Variants in PTPRK observed in about 807,000 individuals in gnomAD.
The protein encoded by PTPRK is receptor-type tyrosine-protein phosphatase kappa.
In PTPRK, 75 loss-of-function variants were observed where a neutral mutation model predicts 178.0. The observed-to-expected ratio is 0.42, with a 90% CI of 0.35 to 0.51. The LOEUF (loss-of-function observed/expected upper bound fraction) is 0.51. PTPRK is among the 20% of genes least tolerant of loss of function. PTPRK has a pLI of 0.02. For missense variants in PTPRK, 1,441 were observed against 1,797.8 expected, an observed-to-expected ratio of 0.80 and a Z score of 3.59; for synonymous variants, 637 against 620.6, an observed-to-expected ratio of 1.03 and a Z score of -0.39.
At chr6:128,160,939 T>C (rs539762088) in intron 7 of PTPRK, among the ~76,000 whole-genome samples, 127 of 151,734 alleles carry the variant, frequency 8.4e-4, no homozygotes, top group Admixed American at 1.5e-3. Context: ...CTGTAGAACC[T>C]ATATTTGTAT....
intron 2 of PTPRK, among the ~76,000 whole-genome samples, chr6:128,387,630 C>T (rs942593539): frequency 6.6e-6 from 1 of 152,104 alleles, no homozygotes; most frequent in African/African-American, 2.4e-5. Flanking sequence ...GTGTATAACA[C>T]TTGACTCTTT....
chr6:128,304,938 G>A (rs952708338), intron 3 of PTPRK, among the ~76,000 whole-genome samples: 4 of 152,210 alleles, frequency 2.6e-5, no homozygotes, highest in African/African-American at 7.2e-5. Flanking sequence ...ATATACCACC[G>A]TGCTGCTCAA....
At chr6:128,340,686 G>T (rs1022798181) in intron 2 of PTPRK, 1 of 379,578 alleles carries the variant, frequency 2.6e-6, no homozygotes. Context: ...AACATCCTTT[G>T]TTATTTAATA....
intron 2 of PTPRK, among the ~76,000 whole-genome samples, chr6:128,336,727 C>T (rs1830981442): frequency 6.6e-6 from 1 of 152,190 alleles, no homozygotes; most frequent in Non-Finnish European, 1.5e-5. Context: ...AGAACTGTTT[C>T]TGTAACTAAA....
intron 3 of PTPRK, among the ~76,000 whole-genome samples, chr6:128,280,574 G>C (rs1445733602): frequency 1.3e-5 from 2 of 152,062 alleles, no homozygotes; most frequent in Admixed American, 1.3e-4. Context: ...GGGAAATTAA[G>C]TTTATGGAAA....
At chr6:128,225,480 C>T (rs933930517) in intron 5 of PTPRK, among the ~76,000 whole-genome samples, 12 of 152,134 alleles carry the variant, frequency 7.9e-5, no homozygotes, top group Non-Finnish European at 1.6e-4. Flanking sequence ...GAGTTCCTTA[C>T]TAGAGCTTGT....
intron 10 of PTPRK, among the ~76,000 whole-genome samples, chr6:128,080,382 G>A (rs1784606563): frequency 6.6e-6 from 1 of 151,942 alleles, no homozygotes; most frequent in South Asian, 2.1e-4. Flanking sequence ...ATTTAAGAAG[G>A]AAATATCTGT....
chr6:128,036,914 T>A (rs928243000), intron 13 of PTPRK, among the ~76,000 whole-genome samples: 32 of 152,094 alleles, frequency 2.1e-4, no homozygotes, highest in African/African-American at 7.7e-4. Context: ...GTATCTTTAG[T>A]ACAGATAGGG....
rs574816524 is a variant in PTPRK, at chr6:128,412,429, A to G, written c.101-14741T>C. On this transcript the variant is annotated intron_variant, in intron 1 of 29. Coordinates refer to ENST00000368226, the MANE Select transcript of PTPRK (RefSeq NM_002844.4). ...GCTTGAGTAATTTGTTCAAGGTCTC[A>G]TTGCTAGTAAGGCACCAAGCCATAG... Among the ~76,000 whole-genome samples, 8 of 152,344 alleles carry G rather than the reference A, an allele frequency of 5.3e-5. No individual in the cohort carries two copies. In the South Asian group the frequency reaches 1.4e-3, roughly 28 times the overall value.
intron 1 of PTPRK, among the ~76,000 whole-genome samples, chr6:128,425,524 AGT>A (rs1286396034): frequency 6.6e-6 from 1 of 152,142 alleles, no homozygotes; most frequent in Non-Finnish European, 1.5e-5. Flanking sequence ...TCCATTCCTG[AGT>A]TACTTCACTT....
At chr6:128,307,306 T>A (rs553114843) in intron 3 of PTPRK, among the ~76,000 whole-genome samples, 6 of 151,116 alleles carry the variant, frequency 4.0e-5, no homozygotes, top group Admixed American at 1.3e-4. Context: ...ATCATAAATA[T>A]CCTACTTTAT....
chr6:128,269,361 T>C (rs1819434280), intron 3 of PTPRK, among the ~76,000 whole-genome samples: 1 of 151,624 alleles, frequency 6.6e-6, no homozygotes, highest in South Asian at 2.1e-4. Context: ...AGCCAGAGAC[T>C]AGATAAAATA....
At chr6:128,131,118 T>A (rs2114459084) in intron 7 of PTPRK, among the ~76,000 whole-genome samples, 1 of 152,188 alleles carries the variant, frequency 6.6e-6, no homozygotes, top group Non-Finnish European at 1.5e-5. Context: ...AAGAGAAAAA[T>A]CAATTCCCAA....
At position 128,304,219 on chromosome 6, in the gene PTPRK, T is replaced by C. The variant is rs554559488; in HGVS notation, c.495+17820A>G. Among the ~76,000 whole-genome samples the C allele has an allele frequency of 3.6e-4, 55 of 152,276 alleles. 1 individual carries two copies. The highest frequency in any genetic ancestry group is 1.2e-3 in the African/African-American group (51 of 41,554). ...AGTATACTAGTTAGAAGGAGAAACA[T>C]AGCTTCTTTATGAGAGAAAGTATTT... is the stretch of plus-strand genomic sequence containing the variant. On this transcript the variant is annotated intron_variant, in intron 3 of 29. Coordinates refer to ENST00000368226, the MANE Select transcript of PTPRK (RefSeq NM_002844.4).
intron 7 of PTPRK, among the ~76,000 whole-genome samples, chr6:128,099,932 C>T (rs1455191831): frequency 6.6e-6 from 1 of 151,948 alleles, no homozygotes. Flanking sequence ...AATCCCTGTA[C>T]ATTTTTCAGA....
intron 1 of PTPRK, among the ~76,000 whole-genome samples, chr6:128,462,333 T>C (rs537858493): frequency 6.6e-6 from 1 of 152,248 alleles, no homozygotes; most frequent in East Asian, 1.9e-4. Context: ...AAAAATCACA[T>C]GTTGTTTATT....
At chr6:128,140,491 T>A (rs1198871720) in intron 7 of PTPRK, among the ~76,000 whole-genome samples, 1 of 151,972 alleles carries the variant, frequency 6.6e-6, no homozygotes, top group East Asian at 1.9e-4. Flanking sequence ...TGTTATAGTG[T>A]CTTTAGTTCC....
At chr6:127,996,539 T>A (rs1035517902) in intron 17 of PTPRK, among the ~76,000 whole-genome samples, 1 of 152,170 alleles carries the variant, frequency 6.6e-6, no homozygotes, top group Non-Finnish European at 1.5e-5. Context: ...TAATGCAGTC[T>A]CTGCTCGCTG....
intron 1 of PTPRK, among the ~76,000 whole-genome samples, chr6:128,439,358 G>C (rs770594910): frequency 2.0e-5 from 3 of 152,118 alleles, no homozygotes; most frequent in African/African-American, 7.2e-5. Context: ...GTCAAGAACA[G>C]AGTCTGGCCA....
Sources: allele counts gnomAD v4.1 joint callset (sites outside exome capture counted in the v4.1 genomes callset), GRCh38; gene constraint gnomAD v4.1.1; transcripts MANE v1.5; gene names NCBI Gene and HGNC (gene_info 2026-07-23, HGNC 2026-07-21).